LSMEM1: variants seen among roughly 807,000 people sequenced by gnomAD.
The protein encoded by LSMEM1 is leucine rich single-pass membrane protein 1.
A neutral mutation model predicts 11.3 loss-of-function variants in LSMEM1; 10 were observed. That is an observed-to-expected ratio of 0.89 (90% CI 0.55 to 1.50). The LOEUF (loss-of-function observed/expected upper bound fraction) is 1.50, where lower values mean the gene tolerates loss of function less well. LSMEM1 is among the 40% of genes most tolerant of loss of function. The probability of loss-of-function intolerance (pLI) is 0.00; values close to 1 mark genes in which losing one functional copy is unlikely to be tolerated. For missense variants in LSMEM1, 151 were observed against 152.9 expected, an observed-to-expected ratio of 0.99 and a Z score of 0.06; for synonymous variants, 65 against 59.3, an observed-to-expected ratio of 1.10 and a Z score of -0.44.
intron 3 of LSMEM1, among the ~76,000 whole-genome samples, chr7:112,488,941 T>G (rs1365002743): frequency 6.6e-6 from 1 of 152,186 alleles, no homozygotes; most frequent in Non-Finnish European, 1.5e-5. Flanking sequence ...AACTGAGATT[T>G]AGAGAGATCT....
In LSMEM1 at chr7:112,486,974, G is replaced by T; in HGVS notation, c.179G>T (p.Arg60Leu). The change falls in exon 3 of 4, where the codon CGG becomes CTG. Residue 60 changes from arginine (R) to leucine (L), a missense_variant. By Grantham distance (102) the Arg-to-Leu change is moderately radical. Coordinates refer to ENST00000312849, the MANE Select transcript of LSMEM1 (RefSeq NM_182597.3). Reference sequence around the variant, plus strand: ...GGCACAAACTCAGGAAATGGAAGCCGGAGTCTGTTTTTTGTGGGGCTGCTA... The same window carrying T: ...GGCACAAACTCAGGAAATGGAAGCCTGAGTCTGTTTTTTGTGGGGCTGCTA... ...VLGTNSGNGSRSLFFVGLLIV... is the reference protein window; with the variant it reads ...VLGTNSGNGSLSLFFVGLLIV... 1 of 1,614,156 alleles carries T rather than the reference G, an allele frequency of 6.2e-7. No homozygotes were observed. The highest frequency in any genetic ancestry group is 8.5e-7 in the Non-Finnish European group (1 of 1,180,016).
At chr7:112,488,813 T>G (rs1029388933) in intron 3 of LSMEM1, among the ~76,000 whole-genome samples, 1 of 152,142 alleles carries the variant, frequency 6.6e-6, no homozygotes, top group African/African-American at 2.4e-5. Flanking sequence ...GCCAGGCTGG[T>G]CTCGAAATCT....
At chr7:112,489,689 G>T in intron 3 of LSMEM1, 121 bp from the exon 4 acceptor site, 2 of 1,131,242 alleles carry the variant, frequency 1.8e-6, no homozygotes, top group East Asian at 2.5e-5. Context: ...CATGGATATG[G>T]GAACAGGGGA....
upstream of LSMEM1, chr7:112,480,958 CAG>C (rs765195872): frequency 2.1e-4 from 93 of 452,918 alleles, no homozygotes; most frequent in Non-Finnish European, 3.9e-4. Context: ...TGTCAGCTAA[CAG>C]TTGCTTCAGC....
intron 2 of LSMEM1, among the ~76,000 whole-genome samples, chr7:112,485,720 G>C (rs1796117099): frequency 1.3e-5 from 2 of 151,878 alleles, no homozygotes; most frequent in Non-Finnish European, 2.9e-5. Flanking sequence ...TCAGCCCTAT[G>C]CTGTTGCTTT....
chr7:112,485,015 GGA>G, intron 2 of LSMEM1, 72 bp downstream of exon 2: 1 of 1,496,630 alleles, frequency 6.7e-7, no homozygotes, highest in Non-Finnish European at 9.0e-7. Flanking sequence ...ACTGCTGACT[GGA>G]TGTGTGGGTG....
upstream of LSMEM1, among the ~76,000 whole-genome samples, chr7:112,480,471 A>C (rs533614268): frequency 6.6e-6 from 1 of 152,354 alleles, no homozygotes; most frequent in African/African-American, 2.4e-5. Context: ...AGGATGATAA[A>C]GGATTGCACA....
intron 3 of LSMEM1, among the ~76,000 whole-genome samples, chr7:112,489,457 C>A (rs1047678933): frequency 2.0e-5 from 3 of 152,188 alleles, no homozygotes; most frequent in Admixed American, 1.3e-4. Context: ...AAACCTTTTT[C>A]TGAGAATGGG....
intron 1 of LSMEM1, among the ~76,000 whole-genome samples, chr7:112,482,067 C>T (rs1374419917): frequency 6.6e-6 from 1 of 152,224 alleles, no homozygotes; most frequent in African/African-American, 2.4e-5. Context: ...TTACTAGCAG[C>T]CTCATGAGTC....
At chr7:112,488,502 T>C (rs10236486) in intron 3 of LSMEM1, among the ~76,000 whole-genome samples, 123,595 of 152,178 alleles carry the variant, frequency 0.81, 51,567 homozygotes, top group Middle Eastern at 0.93. Context: ...TGCTATATAT[T>C]GAGTCATTAC....
chr7:112,489,580 GC>G (rs1563280966), intron 3 of LSMEM1, among the ~76,000 whole-genome samples: 1 of 152,206 alleles, frequency 6.6e-6, no homozygotes, highest in South Asian at 2.1e-4. Context: ...GTGTGAAGTT[GC>G]CAAAGGTAGT....
intron 2 of LSMEM1, among the ~76,000 whole-genome samples, chr7:112,486,683 G>A (rs1796134277): frequency 6.6e-6 from 1 of 152,262 alleles, no homozygotes; most frequent in African/African-American, 2.4e-5. Context: ...GGCTGAGGCA[G>A]GAGAATGGCG....
intron 1 of LSMEM1, among the ~76,000 whole-genome samples, chr7:112,482,365 C>T (rs1796048378): frequency 6.6e-6 from 1 of 152,036 alleles, no homozygotes; most frequent in South Asian, 2.1e-4. Flanking sequence ...TTTTTGTGGC[C>T]ATGATTTTCT....
chr7:112,483,244 T>C (rs1398371298), intron 1 of LSMEM1, among the ~76,000 whole-genome samples: 1 of 152,148 alleles, frequency 6.6e-6, no homozygotes. Flanking sequence ...AAACAGTGTG[T>C]TGTCAAATAC....
At chr7:112,484,536 G>C (rs747478133) in intron 1 of LSMEM1, among the ~76,000 whole-genome samples, 1 of 152,242 alleles carries the variant, frequency 6.6e-6, no homozygotes, top group Non-Finnish European at 1.5e-5. Flanking sequence ...AGTGTTTGCA[G>C]ATAAGCAGGG....
rs1796208139 is a variant in LSMEM1 at position 112,490,010 on chromosome 7, A to G, written c.*61A>G. Reference sequence around the variant, plus strand: ...GAGCTTTTTACTTTCCTGGGAGTGTACAGGGTTAGGAACTGAGAAAGTGCA... The same window carrying G: ...GAGCTTTTTACTTTCCTGGGAGTGTGCAGGGTTAGGAACTGAGAAAGTGCA... On this transcript the variant is annotated 3_prime_UTR_variant, in exon 4 of 4. Coordinates refer to ENST00000312849, the MANE Select transcript of LSMEM1 (RefSeq NM_182597.3). 4.5e-6 allele frequency: 7 copies of G among 1,561,144 alleles called. No individual in the cohort carries two copies. In the South Asian group the frequency reaches 7.3e-5, roughly 16 times the overall value.
intron 1 of LSMEM1, among the ~76,000 whole-genome samples, chr7:112,481,934 C>G (rs1356197376): frequency 1.3e-5 from 2 of 152,252 alleles, no homozygotes; most frequent in African/African-American, 2.4e-5. Flanking sequence ...GCTAGTAACA[C>G]TGGCTTCTCC....
At chr7:112,485,845 C>T (rs1208864562) in intron 2 of LSMEM1, among the ~76,000 whole-genome samples, 7 of 151,676 alleles carry the variant, frequency 4.6e-5, no homozygotes, top group Admixed American at 1.3e-4. Flanking sequence ...ACCAATTCAA[C>T]GTAGGAGAGT....
upstream of LSMEM1, chr7:112,480,686 A>G (rs188869593): frequency 2.3e-4 from 87 of 378,450 alleles, no homozygotes; most frequent in Admixed American, 4.9e-4. Flanking sequence ...GGCCGATGAG[A>G]TGGAGTGCTT....
Sources: allele counts gnomAD v4.1 joint callset (sites outside exome capture counted in the v4.1 genomes callset), GRCh38; gene constraint gnomAD v4.1.1; transcripts MANE v1.5; gene names NCBI Gene and HGNC (gene_info 2026-07-23, HGNC 2026-07-21).